Variants in TBCD observed in about 807,000 individuals in gnomAD.
The protein encoded by TBCD is tubulin folding cofactor D.
In TBCD, 105 loss-of-function variants were observed where a neutral mutation model predicts 169.3. The observed-to-expected ratio is 0.62, with a 90% CI of 0.53 to 0.73. TBCD has a LOEUF of 0.73. Among genes scored for constraint, TBCD ranks in the 30% least tolerant of loss-of-function variants. The probability of loss-of-function intolerance (pLI) is 0.00; values close to 1 mark genes in which losing one functional copy is unlikely to be tolerated. For synonymous variants in TBCD, 700 were observed against 643.9 expected (o/e 1.09, Z -1.32); for missense variants, 1,444 against 1,600.1 (o/e 0.90, Z 1.66).
rs2058565648 is a variant in TBCD at position 82,884,126 on chromosome 17, T to C, written c.1476-19T>C. ...TTTTGCAGAATTTCTTTTTAATTAA[T>C]CCTTTCTCTTTTTCACAGTGCACTG... On this transcript the variant is annotated intron_variant, in intron 14 of 38. Transcript: ENST00000355528. The surrounding 1 kb of genome is among the most constrained non-coding windows in gnomAD (Gnocchi z 4.2). 1 of 1,596,350 alleles carries C rather than the reference T, an allele frequency of 6.3e-7. No homozygotes were observed. Among genetic ancestry groups the C allele is most frequent in the African/African-American group, 1.3e-5 (1 of 74,774 alleles).
At chr17:82,892,113 C>T (rs746158523) in intron 16 of TBCD, among the ~76,000 whole-genome samples, 2 of 152,152 alleles carry the variant, frequency 1.3e-5, no homozygotes, top group Non-Finnish European at 2.9e-5. Flanking sequence ...TGTTCCAGCC[C>T]TAGCCTGGCC....
At chr17:82,818,109 G>C (rs2052085552) in intron 13 of TBCD, among the ~76,000 whole-genome samples, 1 of 152,240 alleles carries the variant, frequency 6.6e-6, no homozygotes, top group Non-Finnish European at 1.5e-5. Flanking sequence ...GCTGGGGCGA[G>C]AGGATATGGG....
chr17:82,868,055 T>C (rs2057302021), intron 13 of TBCD, among the ~76,000 whole-genome samples: 1 of 151,654 alleles, frequency 6.6e-6, no homozygotes, highest in Non-Finnish European at 1.5e-5. Context: ...GTCCTGGGGG[T>C]GAGAGCTGAT....
intron 13 of TBCD, among the ~76,000 whole-genome samples, chr17:82,854,056 G>A (rs755464932): frequency 1.3e-5 from 2 of 152,146 alleles, no homozygotes; most frequent in African/African-American, 2.4e-5. Context: ...CCAACAGCCA[G>A]CTTCTTAGCC....
chr17:82,814,521 G>GT (rs992780804), intron 12 of TBCD, among the ~76,000 whole-genome samples: 13 of 152,160 alleles, frequency 8.5e-5, no homozygotes, highest in Non-Finnish European at 1.3e-4. Context: ...CTGATTATTT[G>GT]TTTTTTTATT....
Position 82,927,959 on chromosome 17 carries a change from G to A in TBCD, c.2664G>A (p.Arg888=). 6.2e-7 allele frequency: 1 copy of A among 1,612,588 alleles called. No individual in the cohort carries two copies. The highest frequency in any genetic ancestry group is 1.1e-5 in the South Asian group (1 of 91,086). The change falls in exon 30 of 39, where the codon CGG becomes CGA. Residue 888 remains arginine (R), a synonymous_variant. Coordinates refer to ENST00000355528, the MANE Select transcript of TBCD (RefSeq NM_005993.5). Reference sequence around the variant, plus strand: ...TGGATCTGACACTTCTGCTGGCTCGGAGCCAGCCTGAGCTGATCGAGGCCC... The same window carrying A: ...TGGATCTGACACTTCTGCTGGCTCGAAGCCAGCCTGAGCTGATCGAGGCCC... ...SLMDLTLLLA[R]SQPELIEAHT... is the part of the protein sequence containing the mutation.
chr17:82,909,180 C>T, intron 21 of TBCD, 105 bp from the exon 22 acceptor site: 1 of 952,980 alleles, frequency 1.0e-6, no homozygotes, highest in Middle Eastern at 2.3e-4. Context: ...GCTGGCATGG[C>T]ATCTTCTGCC....
In TBCD at chr17:82,923,978, A is replaced by C. The variant is rs1161134714; in HGVS notation, c.2260+245A>C. The stretch of plus-strand genomic sequence containing the variant: ...GCAGGGACGCGTCTCTGTTGACGGC[A>C]CCCTCTTGCTCCATCACCCAGGCTG... On this transcript the variant is annotated intron_variant, in intron 26 of 38. Coordinates refer to ENST00000355528, the MANE Select transcript of TBCD (RefSeq NM_005993.5). The surrounding 1 kb of genome is among the most constrained non-coding windows in gnomAD (Gnocchi z 4.6). 6.6e-6 allele frequency among the ~76,000 whole-genome samples: 1 copy of C among 151,646 alleles called. No homozygotes were observed. Among genetic ancestry groups the C allele is most frequent in the Non-Finnish European group, 1.5e-5 (1 of 67,922 alleles).
intron 5 of TBCD, among the ~76,000 whole-genome samples, chr17:82,768,980 T>A (rs1172352149): frequency 6.6e-6 from 1 of 152,176 alleles, no homozygotes. Context: ...AAGAGATAAG[T>A]TGTTTATTTT....
intron 16 of TBCD, among the ~76,000 whole-genome samples, chr17:82,891,054 G>C (rs995077334): frequency 6.6e-6 from 1 of 152,212 alleles, no homozygotes; most frequent in African/African-American, 2.4e-5. Flanking sequence ...GCCAGAGCCC[G>C]GGGTGACGAC....
rs2053896865 is a variant in TBCD, at chr17:82,835,563, C to A, written c.1318+20629C>A. 6.6e-6 allele frequency among the ~76,000 whole-genome samples: 1 copy of A among 152,090 alleles called. No homozygotes were observed. Among genetic ancestry groups the A allele is most frequent in the African/African-American group, 2.4e-5 (1 of 41,416 alleles). ...TCAGCCTCCCTAGTAGCTGGGATTA[C>A]AGGTGCCTACCACCACGCCCAGCTA... On this transcript the variant is annotated intron_variant, in intron 13 of 38. Coordinates refer to ENST00000355528, the MANE Select transcript of TBCD (RefSeq NM_005993.5). The surrounding 1 kb of genome is among the most constrained non-coding windows in gnomAD (Gnocchi z 4.5).
chr17:82,784,796 T>C (rs1373132379), intron 7 of TBCD, among the ~76,000 whole-genome samples: 1 of 152,092 alleles, frequency 6.6e-6, no homozygotes, highest in East Asian at 1.9e-4. Context: ...TGCCAAGAAG[T>C]ATGACATGCG....
Position 82,915,010 on chromosome 17 carries a change from C to G in TBCD, c.2038+3221C>G, listed in dbSNP as rs1187390186. On this transcript the variant is annotated intron_variant, in intron 23 of 38. Coordinates refer to ENST00000355528, the MANE Select transcript of TBCD (RefSeq NM_005993.5). This position sits in a 1 kb window ranked among gnomAD's most constrained non-coding sequence, Gnocchi z 4.3. ...GTCTGTTTTCCTTGCTTCTGTATTTCTGAGTTCTGTATGTACGCAGCTGTT... is the reference window on the plus strand; with the variant it reads ...GTCTGTTTTCCTTGCTTCTGTATTTGTGAGTTCTGTATGTACGCAGCTGTT... 6.6e-6 allele frequency among the ~76,000 whole-genome samples: 1 copy of G among 152,174 alleles called. No individual in the cohort carries two copies. Among genetic ancestry groups the G allele is most frequent in the African/African-American group, 2.4e-5 (1 of 41,446 alleles).
At chr17:82,936,303 G>A (rs937950972) in intron 34 of TBCD, among the ~76,000 whole-genome samples, 1 of 152,332 alleles carries the variant, frequency 6.6e-6, no homozygotes, top group East Asian at 1.9e-4. Context: ...GGAGTTTTGC[G>A]TCTTTTCAGG....
chr17:82,774,143 G>A (rs928150082), intron 6 of TBCD, among the ~76,000 whole-genome samples: 1 of 151,762 alleles, frequency 6.6e-6, no homozygotes, highest in African/African-American at 2.4e-5. Flanking sequence ...AGGGAAGGTC[G>A]CAGATAAACA....
intron 2 of TBCD, 149 bp downstream of exon 2, chr17:82,756,364 G>A (rs989334001): frequency 2.6e-6 from 2 of 774,412 alleles, no homozygotes; most frequent in Non-Finnish European, 4.3e-6. Flanking sequence ...GGTTTTAGCC[G>A]ACCTGTGATA....
At chr17:82,935,058 T>C (rs1028674794) in intron 34 of TBCD, among the ~76,000 whole-genome samples, 21 of 131,132 alleles carry the variant, frequency 1.6e-4, no homozygotes, top group African/African-American at 5.9e-4. Context: ...AGCCAGACTC[T>C]GTTTCAAAAA....
In TBCD at chr17:82,874,961, G is replaced by T. The variant is rs997964568; in HGVS notation, c.1475+4581G>T. On this transcript the variant is annotated intron_variant, in intron 14 of 38. Transcript: ENST00000355528. The surrounding 1 kb of genome is among the most constrained non-coding windows in gnomAD (Gnocchi z 5.0). ...ATCAGAGCATCAGAGTGGAATTTTC[G>T]CAGGGAAATGGAAATGCCTGATCGA... Among the ~76,000 whole-genome samples the T allele has an allele frequency of 6.6e-6, 1 of 152,196 alleles. No individual in the cohort carries two copies. Among genetic ancestry groups the T allele is most frequent in the Non-Finnish European group, 1.5e-5 (1 of 68,036 alleles).
chr17:82,797,838 T>C, intron 8 of TBCD, 36 bp downstream of exon 8: 5 of 1,519,914 alleles, frequency 3.3e-6, no homozygotes, highest in Non-Finnish European at 4.4e-6. Context: ...ATCTTTGTGA[T>C]GTGAGTTTGC....
Sources: gnomAD v4.1 joint callset for allele counts (sites outside exome capture counted in the v4.1 genomes callset) on GRCh38, gnomAD v4.1.1 for gene constraint, Gnocchi (gnomAD v3.1) non-coding constraint, MANE v1.5 for transcripts, NCBI Gene and HGNC (gene_info 2026-07-23, HGNC 2026-07-21) for gene names.